The following ZNF676 variants were observed in gnomAD, a reference collection of about 807,000 sequenced individuals.
ZNF676 encodes zinc finger protein 676.
A neutral mutation model predicts 6.0 loss-of-function variants in ZNF676; 4 were observed. The observed-to-expected ratio is 0.67, with a 90% CI of 0.33 to 1.53. The LOEUF is 1.53. ZNF676 is among the 40% of genes most tolerant of loss of function. The pLI is 0.06. For synonymous variants in ZNF676, 198 were observed against 223.1 expected (o/e 0.89, Z 1.00); for missense variants, 644 against 679.7 (o/e 0.95, Z 0.58).
At chr19:22,188,226 G>A (rs1046368607) in intron 2 of ZNF676, among the ~76,000 whole-genome samples, 1 of 151,952 alleles carries the variant, frequency 6.6e-6, no homozygotes, top group African/African-American at 2.4e-5. Context: ...ATCAATAAAT[G>A]TAATCTATCA....
intron 1 of ZNF676, among the ~76,000 whole-genome samples, chr19:22,214,724 T>C (rs563154508): frequency 6.6e-6 from 1 of 151,332 alleles, no homozygotes; most frequent in African/African-American, 2.4e-5. Context: ...ACCAAGAAAT[T>C]TCCATCTTCA....
At position 22,181,020 on chromosome 19, in the gene ZNF676, C is replaced by G; in HGVS notation, c.697G>C (p.Ala233Pro). 1.9e-6 allele frequency: 3 copies of G among 1,573,814 alleles called. No individual in the cohort carries two copies. Among genetic ancestry groups the G allele is most frequent in the Admixed American group, 1.7e-5 (1 of 58,420 alleles). ...KPYKCEECGK[A>P]FNRSSILTKH... ...GTAAGGATTGAGGATCGATTAAAAGCTTTGCCACATTCTTCACATTTGTAG... is the reference window on the plus strand; with the variant it reads ...GTAAGGATTGAGGATCGATTAAAAGGTTTGCCACATTCTTCACATTTGTAG... Residue 233 changes from alanine to proline, a missense_variant, in exon 3 of 3, where the codon GCT becomes CCT. Ala to Pro is a conservative substitution (Grantham distance 27). Around this residue, in one of 5 missense-constraint regions of ZNF676, gnomAD observed 280 missense variants for 269.3 expected, o/e 1.04. Coordinates refer to ENST00000397121, the MANE Select transcript of ZNF676 (RefSeq NM_001001411.3).
the ZNF676 span, chr19:22,243,309 C>T: frequency 2.6e-5 from 4 of 151,922 alleles, no homozygotes; most frequent in Non-Finnish European, 5.9e-5. Context: ...TATCACCTGT[C>T]TGTTAGCCTA....
At chr19:22,253,181 A>G in the ZNF676 span, among the ~76,000 whole-genome samples, 2 of 151,844 alleles carry the variant, frequency 1.3e-5, no homozygotes, top group Admixed American at 1.3e-4. Context: ...TCCATCTTCA[A>G]CTTTCTTTGG....
the ZNF676 span, among the ~76,000 whole-genome samples, chr19:22,259,394 T>A: frequency 7.4e-3 from 1,133 of 152,168 alleles, 1 homozygote; most frequent in African/African-American, 0.025. Context: ...GGTCAAGTGA[T>A]ATGTCACAAT....
chr19:22,194,951 C>T (rs1285415635), intron 1 of ZNF676, among the ~76,000 whole-genome samples: 1 of 152,138 alleles, frequency 6.6e-6, no homozygotes, highest in Non-Finnish European at 1.5e-5. Context: ...GGGACCTATA[C>T]CAGCAGGATA....
At chr19:22,251,685 A>G in the ZNF676 span, among the ~76,000 whole-genome samples, 31 of 151,818 alleles carry the variant, frequency 2.0e-4, 1 homozygote, top group South Asian at 6.5e-3. Context: ...CTACTGAGGA[A>G]GCTAAGGCAG....
the ZNF676 span, among the ~76,000 whole-genome samples, chr19:22,234,112 T>C: frequency 2.6e-5 from 4 of 152,194 alleles, no homozygotes; most frequent in Non-Finnish European, 5.9e-5. Flanking sequence ...GGTGCACTGC[T>C]CAAAATTCTG....
chr19:22,199,245 A>T (rs753686194), upstream of ZNF676, among the ~76,000 whole-genome samples: 6 of 152,208 alleles, frequency 3.9e-5, no homozygotes, highest in Non-Finnish European at 7.3e-5. Flanking sequence ...GTCAATAATG[A>T]TGTTGCTCCC....
At chr19:22,193,971 G>A (rs561390357) in intron 1 of ZNF676, among the ~76,000 whole-genome samples, 10 of 152,186 alleles carry the variant, frequency 6.6e-5, no homozygotes, top group Non-Finnish European at 1.5e-4. Flanking sequence ...ATCCGCCAGT[G>A]CATACCTGAT....
the ZNF676 span, among the ~76,000 whole-genome samples, chr19:22,232,714 T>C: frequency 5.9e-5 from 9 of 151,988 alleles, no homozygotes; most frequent in Non-Finnish European, 5.9e-5. Flanking sequence ...TTTATATGGA[T>C]TACTTTCTAT....
At chr19:22,195,339 T>A (rs1490222905) in intron 1 of ZNF676, among the ~76,000 whole-genome samples, 1 of 152,164 alleles carries the variant, frequency 6.6e-6, no homozygotes, top group Non-Finnish European at 1.5e-5. Context: ...TCTTGGCACA[T>A]TTTGGGTCGC....
chr19:22,215,075 G>A (rs551943011), intron 1 of ZNF676, among the ~76,000 whole-genome samples: 1 of 138,982 alleles, frequency 7.2e-6, no homozygotes. Context: ...AAAAAACCAG[G>A]AAACTACATA....
At chr19:22,231,765 G>C in the ZNF676 span, among the ~76,000 whole-genome samples, 2 of 151,418 alleles carry the variant, frequency 1.3e-5, no homozygotes, top group African/African-American at 4.9e-5. Context: ...ACCATGGCCA[G>C]CTAATTTTTG....
the ZNF676 span, among the ~76,000 whole-genome samples, chr19:22,259,427 G>C: frequency 6.6e-6 from 1 of 152,044 alleles, no homozygotes; most frequent in African/African-American, 2.4e-5. Context: ...ACAGGACCCA[G>C]GAAGAAAAAA....
chr19:22,189,852 C>T (rs1417628473), intron 2 of ZNF676, among the ~76,000 whole-genome samples: 2 of 152,118 alleles, frequency 1.3e-5, no homozygotes, highest in South Asian at 4.1e-4. Flanking sequence ...GAATGGAGAT[C>T]ATTAAGAAGC....
At chr19:22,239,197 A>ATTT in the ZNF676 span, among the ~76,000 whole-genome samples, 229 of 130,074 alleles carry the variant, frequency 1.8e-3, 4 homozygotes, top group African/African-American at 6.7e-3. Context: ...CCAACTGTGA[A>ATTT]TTTTTTTTTT....
chr19:22,254,434 G>T, the ZNF676 span, among the ~76,000 whole-genome samples: 180 of 152,302 alleles, frequency 1.2e-3, 3 homozygotes, highest in African/African-American at 4.0e-3. Flanking sequence ...GCAGGGCACA[G>T]GCAGGAGCCT....
the ZNF676 span, among the ~76,000 whole-genome samples, chr19:22,254,497 T>A: frequency 0.013 from 1,925 of 152,202 alleles, 17 homozygotes; most frequent in Non-Finnish European, 0.014. Context: ...CAAGATATGC[T>A]GGGCCCAGGG....
Sources: allele counts gnomAD v4.1 joint callset (sites outside exome capture counted in the v4.1 genomes callset), GRCh38; gene constraint gnomAD v4.1.1; regional missense constraint gnomAD v4.1.1; transcripts MANE v1.5; gene names NCBI Gene and HGNC (gene_info 2026-07-23, HGNC 2026-07-21).